Variants in PKHD1L1 observed in about 807,000 individuals in gnomAD.
PKHD1L1 encodes the protein PKHD1 like 1.
A neutral mutation model predicts 462.9 loss-of-function variants in PKHD1L1; 434 were observed. The ratio of observed to expected loss-of-function variants is 0.94; its 90% confidence interval spans 0.87 to 1.02. The LOEUF is 1.02. Among genes scored for constraint, PKHD1L1 ranks in the 50% least tolerant of loss-of-function variants. The pLI, the probability that PKHD1L1 is intolerant of heterozygous loss-of-function variation, is 0.00. For missense variants in PKHD1L1, 5,202 were observed against 5,096.1 expected (o/e 1.02, Z -0.63); for synonymous variants, 1,781 against 1,750.0 (o/e 1.02, Z -0.44).
rs1813661565 is a variant in PKHD1L1, at chr8:109,408,207, G to A, written c.1971+1G>A. ...CACTCTATGGTCATCAGAAGCTGAA[G>A]TACGGTGTAGGAATGTTTCTACCAC... is the stretch of plus-strand genomic sequence containing the variant. On this transcript the variant is annotated splice_donor_variant, in intron 18 of 77. Transcript: ENST00000378402. LOFTEE classifies it high-confidence loss of function. 3 of 1,609,802 alleles carry A rather than the reference G, an allele frequency of 1.9e-6. No homozygotes were observed. Among genetic ancestry groups the A allele is most frequent in the Non-Finnish European group, 2.5e-6 (3 of 1,177,424 alleles).
At chr8:109,418,259 C>T (rs934739291) in intron 21 of PKHD1L1, among the ~76,000 whole-genome samples, 9 of 151,838 alleles carry the variant, frequency 5.9e-5, no homozygotes, top group Non-Finnish European at 1.2e-4. Context: ...TTAAAGAGCA[C>T]CTTAACTTAA....
intron 2 of PKHD1L1, 33 bp from the exon 3 acceptor site, chr8:109,381,337 A>G (rs1383091152): frequency 4.0e-6 from 6 of 1,513,900 alleles, no homozygotes; most frequent in Non-Finnish European, 2.7e-6. Flanking sequence ...ATAGAATACC[A>G]TTAATAATAA....
At chr8:109,397,878 G>A (rs2130521643) in intron 11 of PKHD1L1, among the ~76,000 whole-genome samples, 1 of 152,290 alleles carries the variant, frequency 6.6e-6, no homozygotes, top group African/African-American at 2.4e-5. Context: ...AGGAACACAT[G>A]GAGGTTTAAA....
At chr8:109,451,226 G>C in intron 41 of PKHD1L1, 77 bp downstream of exon 41, 3 of 1,430,288 alleles carry the variant, frequency 2.1e-6, no homozygotes, top group Non-Finnish European at 2.8e-6. Context: ...CCTATGCCCG[G>C]ACAGTGCAGA....
intron 67 of PKHD1L1, among the ~76,000 whole-genome samples, chr8:109,503,673 G>GA (rs1275640339): frequency 6.6e-6 from 1 of 152,108 alleles, no homozygotes; most frequent in East Asian, 1.9e-4. Context: ...GAAGCCAAGG[G>GA]AAAAATAGTG....
chr8:109,419,079 TAATC>T lies in PKHD1L1; in HGVS notation c.2361-15_2361-12del. 6.2e-7 allele frequency: 1 copy of T among 1,603,796 alleles called. No homozygotes were observed. Among genetic ancestry groups the T allele is most frequent in the South Asian group, 1.1e-5 (1 of 89,662 alleles). On this transcript the variant is annotated splice_polypyrimidine_tract_variant and intron_variant, in intron 21 of 77. Transcript: ENST00000378402. ...ATTACCACTGATCTATACAACAAAT[TAATC>T]AACCGTATTTCAGCTGGACTTACAC...
At chr8:109,369,407 TTA>T (rs1375880122) in intron 2 of PKHD1L1, among the ~76,000 whole-genome samples, 2 of 152,206 alleles carry the variant, frequency 1.3e-5, no homozygotes, top group Non-Finnish European at 2.9e-5. Context: ...ATAATAACAT[TTA>T]TGAATTATTG....
At chr8:109,378,017 A>G (rs889119922) in intron 2 of PKHD1L1, among the ~76,000 whole-genome samples, 1 of 152,156 alleles carries the variant, frequency 6.6e-6, no homozygotes, top group Non-Finnish European at 1.5e-5. Flanking sequence ...TCCCGTCAGC[A>G]TGCAAATATA....
At chr8:109,409,362 G>A (rs1414031764) in intron 18 of PKHD1L1, among the ~76,000 whole-genome samples, 2 of 151,778 alleles carry the variant, frequency 1.3e-5, no homozygotes, top group Non-Finnish European at 2.9e-5. Flanking sequence ...CGATTCTCCT[G>A]CCTCAGCCTC....
At chr8:109,382,438 C>T (rs1212171358) in intron 3 of PKHD1L1, 25 bp from the exon 4 acceptor site, 2 of 1,569,178 alleles carry the variant, frequency 1.3e-6, no homozygotes, top group Non-Finnish European at 1.7e-6. Context: ...TTGCATGTCT[C>T]ATATATTCTT....
chr8:109,470,281 C>T, intron 50 of PKHD1L1: 2 of 1,463,106 alleles, frequency 1.4e-6, no homozygotes, highest in East Asian at 4.6e-5. Flanking sequence ...GGAGTGTAGC[C>T]ATACTTGTAA....
At chr8:109,372,817 G>A (rs574985533) in intron 2 of PKHD1L1, among the ~76,000 whole-genome samples, 1 of 152,010 alleles carries the variant, frequency 6.6e-6, no homozygotes, top group Non-Finnish European at 1.5e-5. Context: ...TTATTGATTT[G>A]CATATATTGA....
intron 35 of PKHD1L1, 60 bp downstream of exon 35, chr8:109,442,255 A>G (rs906724150): frequency 3.5e-6 from 5 of 1,444,088 alleles, no homozygotes; most frequent in South Asian, 1.4e-5. Context: ...TAATAAAATG[A>G]CATTTTGTGT....
intron 11 of PKHD1L1, among the ~76,000 whole-genome samples, chr8:109,397,088 A>C (rs1361154734): frequency 6.6e-6 from 1 of 152,240 alleles, no homozygotes; most frequent in Non-Finnish European, 1.5e-5. Context: ...CATTAAAACC[A>C]GGGCCATAAT....
chr8:109,442,885 T>C (rs1334930498), intron 35 of PKHD1L1, 61 bp from the exon 36 acceptor site: 16 of 1,485,164 alleles, frequency 1.1e-5, no homozygotes. Flanking sequence ...TTGTTTTCAG[T>C]CTCTTTTCAA....
chr8:109,389,660 C>T (rs1049779739), intron 8 of PKHD1L1, among the ~76,000 whole-genome samples: 8 of 151,716 alleles, frequency 5.3e-5, no homozygotes, highest in Non-Finnish European at 8.8e-5. Flanking sequence ...CCCGAGTAGC[C>T]GGGATTACAG....
rs927631916 is a variant in PKHD1L1 at position 109,532,085 on chromosome 8, A to G, written c.*1995A>G. 2.0e-5 allele frequency among the ~76,000 whole-genome samples: 3 copies of G among 152,192 alleles called. No homozygotes were observed. The highest frequency in any genetic ancestry group is 7.2e-5 in the African/African-American group (3 of 41,446). ...CACCAGAACATTGTAAAAGCCATAA[A>G]ATTGTCCACCATCTGTATTCTTTTC... On this transcript the variant is annotated 3_prime_UTR_variant, in exon 78 of 78. Transcript: ENST00000378402.
chr8:109,406,522 A>G (rs1462010067), intron 17 of PKHD1L1, 44 bp downstream of exon 17: 2 of 1,529,282 alleles, frequency 1.3e-6, no homozygotes, highest in Non-Finnish European at 1.8e-6. Flanking sequence ...AAACAAATGT[A>G]TATCCTGTGC....
At chr8:109,525,827 C>T (rs1156699787) in intron 76 of PKHD1L1, among the ~76,000 whole-genome samples, 1 of 151,394 alleles carries the variant, frequency 6.6e-6, no homozygotes, top group Admixed American at 6.7e-5. Flanking sequence ...TTCTATAGTA[C>T]AGTGCCCATA....
Sources: gnomAD v4.1 joint callset for allele counts (sites outside exome capture counted in the v4.1 genomes callset) on GRCh38, gnomAD v4.1.1 for gene constraint, MANE v1.5 for transcripts, NCBI Gene and HGNC (gene_info 2026-07-23, HGNC 2026-07-21) for gene names.